The following VPS13B variants were observed in gnomAD, a reference collection of about 807,000 sequenced individuals.
VPS13B encodes the protein intermembrane lipid transfer protein VPS13B.
VPS13B carries 285 observed loss-of-function variants against 426.4 expected under a neutral mutation model. The observed-to-expected ratio is 0.67, with a 90% confidence interval of 0.61 to 0.74. The LOEUF is 0.74. Ranked by LOEUF, VPS13B falls within the 30% of genes least tolerant of loss-of-function variation. The pLI is 0.00. For missense variants in VPS13B, 4,537 were observed against 4,782.6 expected, an observed-to-expected ratio of 0.95 and a Z score of 1.51; for synonymous variants, 1,676 against 1,676.4, an observed-to-expected ratio of 1.00 and a Z score of 0.01.
chr8:99,459,316 G>A (rs1448008235), intron 23 of VPS13B, among the ~76,000 whole-genome samples: 2 of 152,146 alleles, frequency 1.3e-5, no homozygotes, highest in Non-Finnish European at 2.9e-5. Flanking sequence ...ATTATGGAGA[G>A]CAGGGTATTG....
chr8:99,034,855 G>A (rs568238030), intron 2 of VPS13B, among the ~76,000 whole-genome samples: 7 of 152,132 alleles, frequency 4.6e-5, no homozygotes, highest in Middle Eastern at 3.4e-3. Context: ...TGTCGCATGC[G>A]CGCGCGTGTG....
Position 99,690,650 on chromosome 8 carries a change from C to T in VPS13B, c.6047-8875C>T, listed in dbSNP as rs541342179. Among the ~76,000 whole-genome samples, 7 of 151,812 alleles carry T rather than the reference C, an allele frequency of 4.6e-5. No homozygotes were observed. The East Asian group carries it at 1.4e-3, about 29-fold the overall frequency. ...TTTTATATCCAAAATATAAAAAGAA[C>T]TCCTACAATTCAATAATAAAAGGAC... On this transcript the variant is annotated intron_variant, in intron 35 of 61. Transcript: ENST00000357162.
intron 43 of VPS13B, chr8:99,804,353 TGTCTTA>T (rs1345339095): frequency 6.6e-6 from 1 of 152,190 alleles, no homozygotes; most frequent in Non-Finnish European, 1.5e-5. Context: ...CCAGTGTCCA[TGTCTTA>T]GTCTGCAGAA....
At chr8:99,527,731 G>A (rs989569752) in intron 30 of VPS13B, 1 of 152,102 alleles carries the variant, frequency 6.6e-6, no homozygotes, top group Non-Finnish European at 1.5e-5. Context: ...TGTGGTGAAA[G>A]TGTTTTTTCA....
chr8:99,346,236 A>G (rs1409653260), intron 19 of VPS13B: 2 of 152,202 alleles, frequency 1.3e-5, no homozygotes, highest in Admixed American at 1.3e-4. Flanking sequence ...TGATGAGATT[A>G]CACGCAGGGT....
intron 35 of VPS13B, chr8:99,697,528 G>C (rs567651881): frequency 1.4e-6 from 1 of 730,390 alleles, no homozygotes; most frequent in South Asian, 1.5e-5. Flanking sequence ...AGGAGCTGGA[G>C]CTGCTGAAGG....
intron 19 of VPS13B, among the ~76,000 whole-genome samples, chr8:99,333,734 AT>A (rs1439948156): frequency 6.6e-6 from 1 of 151,880 alleles, no homozygotes; most frequent in Non-Finnish European, 1.5e-5. Context: ...TATGTCTCCA[AT>A]TTTGTCATTT....
chr8:99,511,035 C>T (rs1225353215), intron 28 of VPS13B, 69 bp from the exon 29 acceptor site: 3 of 1,568,284 alleles, frequency 1.9e-6, no homozygotes, highest in African/African-American at 1.4e-5. Flanking sequence ...AGGTCATTTT[C>T]TTCTTTCCAA....
chr8:99,065,061 G>A (rs570236958), intron 3 of VPS13B, among the ~76,000 whole-genome samples: 1 of 152,180 alleles, frequency 6.6e-6, no homozygotes, highest in Non-Finnish European at 1.5e-5. Flanking sequence ...CAAATGCTGA[G>A]AGATTTTGTC....
intron 17 of VPS13B, among the ~76,000 whole-genome samples, chr8:99,230,464 A>G (rs1418716737): frequency 6.6e-6 from 1 of 152,166 alleles, no homozygotes; most frequent in African/African-American, 2.4e-5. Flanking sequence ...CCTCCAAAAT[A>G]TTGACTTGCC....
chr8:99,874,192 G>A (rs533697529), intron 61 of VPS13B, among the ~76,000 whole-genome samples: 45 of 152,144 alleles, frequency 3.0e-4, no homozygotes, highest in Non-Finnish European at 5.7e-4. Context: ...CACAACAGGG[G>A]TTTTCCTGTG....
chr8:99,204,573 A>G (rs544225752), intron 17 of VPS13B, among the ~76,000 whole-genome samples: 8 of 152,362 alleles, frequency 5.3e-5, no homozygotes, highest in East Asian at 3.9e-4. Context: ...TGAACAGGCA[A>G]TCTACAGAAT....
chr8:99,462,773 C>T, intron 23 of VPS13B, among the ~76,000 whole-genome samples: 1 of 152,098 alleles, frequency 6.6e-6, no homozygotes, highest in East Asian at 1.9e-4. Context: ...GAGGTTGGAG[C>T]CAGTGGGATT....
At chr8:99,621,936 C>A (rs752055549) in intron 33 of VPS13B, among the ~76,000 whole-genome samples, 4 of 149,784 alleles carry the variant, frequency 2.7e-5, no homozygotes, top group African/African-American at 9.8e-5. Flanking sequence ...CAGGTTCAAG[C>A]GATTCTCCTG....
chr8:99,526,345 G>A (rs768017797), intron 30 of VPS13B, among the ~76,000 whole-genome samples: 2 of 152,130 alleles, frequency 1.3e-5, no homozygotes, highest in African/African-American at 2.4e-5. Flanking sequence ...AGGCCTCAGA[G>A]GGTTTGAGCA....
rs942110632 is a variant in VPS13B at position 99,835,747 on chromosome 8, G to T, written c.9942+9G>T. On this transcript the variant is annotated intron_variant, in intron 54 of 61. Transcript: ENST00000357162. Reference sequence around the variant, plus strand: ...ACAGTCAGGGAACACAGGTCAGTGAGCCATGTGTTCCTGCCAAGACCCAAA... The same window carrying T: ...ACAGTCAGGGAACACAGGTCAGTGATCCATGTGTTCCTGCCAAGACCCAAA... The T allele has an allele frequency of 3.1e-6, 5 of 1,613,906 alleles. No individual in the cohort carries two copies. The highest frequency in any genetic ancestry group is 1.3e-5 in the African/African-American group (1 of 74,928).
chr8:99,633,594 A>G (rs138101973), intron 33 of VPS13B, among the ~76,000 whole-genome samples: 2 of 152,146 alleles, frequency 1.3e-5, no homozygotes, highest in East Asian at 1.9e-4. Context: ...ATTTAATCCT[A>G]TTGAAAATCT....
chr8:99,165,867 G>A (rs1811972082), intron 15 of VPS13B, among the ~76,000 whole-genome samples: 1 of 152,202 alleles, frequency 6.6e-6, no homozygotes, highest in Non-Finnish European at 1.5e-5. Flanking sequence ...AGGATATTAT[G>A]TAGGAACTTA....
At chr8:99,789,407 G>T (rs1479101357) in intron 43 of VPS13B, among the ~76,000 whole-genome samples, 1 of 152,092 alleles carries the variant, frequency 6.6e-6, no homozygotes, top group East Asian at 1.9e-4. Flanking sequence ...TCCTATGTGT[G>T]CATGCATGTT....
Sources: allele counts gnomAD v4.1 joint callset (sites outside exome capture counted in the v4.1 genomes callset), GRCh38; gene constraint gnomAD v4.1.1; transcripts MANE v1.5; gene names NCBI Gene and HGNC (gene_info 2026-07-23, HGNC 2026-07-21).